The following BCAS3 variants were observed in gnomAD, a reference collection of about 807,000 sequenced individuals.
The protein encoded by BCAS3 is BCAS4/BCAS3 fusion.
BCAS3 carries 53 observed loss-of-function variants against 116.1 expected under a neutral mutation model. The ratio of observed to expected loss-of-function variants is 0.46; its 90% CI spans 0.37 to 0.57. The LOEUF (loss-of-function observed/expected upper bound fraction) is 0.57, where lower values mean the gene tolerates loss of function less well. Ranked by LOEUF, BCAS3 falls within the 20% of genes least tolerant of loss-of-function variation. BCAS3 has a pLI of 0.00. For synonymous variants in BCAS3, 391 were observed against 408.2 expected, an observed-to-expected ratio of 0.96 and a Z score of 0.51; for missense variants, 917 against 1,165.4, an observed-to-expected ratio of 0.79 and a Z score of 3.10.
intron 22 of BCAS3, among the ~76,000 whole-genome samples, chr17:61,201,515 T>C: frequency 6.6e-6 from 1 of 152,168 alleles, no homozygotes. Flanking sequence ...TTTTGGGGGA[T>C]ACACTCTCTT....
At chr17:60,737,449 CTCT>C (rs2144202449) in intron 5 of BCAS3, among the ~76,000 whole-genome samples, 1 of 152,148 alleles carries the variant, frequency 6.6e-6, no homozygotes, top group South Asian at 2.1e-4. Flanking sequence ...ATTCAATTTG[CTCT>C]TCTTTTTCTA....
chr17:60,896,548 A>C (rs2057522402), intron 10 of BCAS3, among the ~76,000 whole-genome samples: 1 of 149,764 alleles, frequency 6.7e-6, no homozygotes, highest in Non-Finnish European at 1.5e-5. Flanking sequence ...TGCTGAATTG[A>C]TCCCTTTATC....
intron 22 of BCAS3, among the ~76,000 whole-genome samples, chr17:61,155,337 T>C (rs1381210258): frequency 6.6e-6 from 1 of 152,168 alleles, no homozygotes; most frequent in Non-Finnish European, 1.5e-5. Context: ...GCAATAAATA[T>C]GTCCTGAGGC....
At chr17:60,805,445 A>G (rs148368380) in intron 6 of BCAS3, among the ~76,000 whole-genome samples, 99 of 152,338 alleles carry the variant, frequency 6.5e-4, no homozygotes, top group African/African-American at 2.2e-3. Flanking sequence ...TTAAACTGAC[A>G]TAAGATAAAT....
rs547158726 is a variant in BCAS3 at position 60,960,534 on chromosome 17, G to A, written c.1221+13182G>A. On this transcript the variant is annotated intron_variant, in intron 14 of 23. Coordinates refer to ENST00000407086, the MANE Select transcript of BCAS3 (RefSeq NM_017679.5). This position sits in a 1 kb window ranked among gnomAD's most constrained non-coding sequence, Gnocchi z 4.1. The stretch of plus-strand genomic sequence containing the variant: ...CAGGGCAAATTCCATTGTGTTTCAA[G>A]GCCAGAGTTTCCCATCTGGCTTGAG... Among the ~76,000 whole-genome samples, 3 of 152,290 alleles carry A rather than the reference G, an allele frequency of 2.0e-5. No individual in the cohort carries two copies. Among genetic ancestry groups the A allele is most frequent in the Non-Finnish European group, 2.9e-5 (2 of 68,014 alleles).
In BCAS3 at chr17:61,323,986, T is replaced by A. The variant is rs955039099; in HGVS notation, c.2426-44341T>A. On this transcript the variant is annotated intron_variant, in intron 22 of 23. Coordinates refer to ENST00000407086, the MANE Select transcript of BCAS3 (RefSeq NM_017679.5). The surrounding 1 kb of genome is among the most constrained non-coding windows in gnomAD (Gnocchi z 4.6). ...GGGCGGGAGACGAGGTAAGAACTGT[T>A]AGTGTCTGTGAGATGTTTGGGGATT... 6.6e-6 allele frequency among the ~76,000 whole-genome samples: 1 copy of A among 152,232 alleles called. No individual in the cohort carries two copies. Among genetic ancestry groups the A allele is most frequent in the Non-Finnish European group, 1.5e-5 (1 of 68,040 alleles).
In BCAS3 at chr17:61,122,903, G is replaced by A. The variant is rs977286066; in HGVS notation, c.2425+38339G>A. On this transcript the variant is annotated intron_variant, in intron 22 of 23. Transcript: ENST00000407086. This position sits in a 1 kb window ranked among gnomAD's most constrained non-coding sequence, Gnocchi z 4.6. ...GCTTATCTCAGAAAACTTGACCCAA[G>A]AGATAAAGACTGTGAAAGATTCCAC... Among the ~76,000 whole-genome samples the A allele has an allele frequency of 1.1e-4, 16 of 151,526 alleles. No homozygotes were observed. Among genetic ancestry groups the A allele is most frequent in the African/African-American group, 3.4e-4 (14 of 41,258 alleles).
intron 22 of BCAS3, among the ~76,000 whole-genome samples, chr17:61,096,487 G>T (rs530945148): frequency 6.6e-6 from 1 of 152,318 alleles, no homozygotes; most frequent in South Asian, 2.1e-4. Context: ...AGCCCAGGAG[G>T]TTGAGGCTAC....
At chr17:60,817,461 C>T (rs1488807300) in intron 7 of BCAS3, among the ~76,000 whole-genome samples, 1 of 152,022 alleles carries the variant, frequency 6.6e-6, no homozygotes, top group Non-Finnish European at 1.5e-5. Context: ...ATGTTTAATC[C>T]AATATATTAT....
chr17:61,269,509 G>C (rs1026373145), intron 22 of BCAS3, among the ~76,000 whole-genome samples: 1 of 152,126 alleles, frequency 6.6e-6, no homozygotes, highest in Non-Finnish European at 1.5e-5. Flanking sequence ...GCGTCTCCAT[G>C]CTGTTTTCCA....
Position 60,679,364 on chromosome 17 carries a change from T to G in BCAS3, c.-5-89T>G, listed in dbSNP as rs2032612570. The stretch of plus-strand genomic sequence containing the variant: ...TTTGAGGCATTTTTGACAAGGGATC[T>G]CTAGTGAGTAATCATAAATCTTCCT... On this transcript the variant is annotated intron_variant, in intron 1 of 23. Transcript: ENST00000407086. 4.5e-6 allele frequency: 4 copies of G among 883,392 alleles called. No homozygotes were observed. The African/African-American group carries it at 6.7e-5, about 15-fold the overall frequency. 54.7% of individuals were successfully genotyped at this position (883,392 alleles called of 1,614,324 possible). A position where few individuals can be genotyped will look rare whatever the true frequency, so the allele number is the denominator to read the frequency against.
intron 15 of BCAS3, among the ~76,000 whole-genome samples, chr17:61,011,566 G>T (rs768444362): frequency 6.6e-6 from 1 of 151,980 alleles, no homozygotes; most frequent in Non-Finnish European, 1.5e-5. Context: ...TCATAGGGCC[G>T]TATTTTTCTC....
chr17:60,745,116 A>G (rs1400681907), intron 5 of BCAS3, among the ~76,000 whole-genome samples: 3 of 152,110 alleles, frequency 2.0e-5, no homozygotes, highest in Non-Finnish European at 4.4e-5. Flanking sequence ...CAAAAGCTAA[A>G]TACTAGAACT....
At chr17:61,177,069 A>G (rs1252378979) in intron 22 of BCAS3, among the ~76,000 whole-genome samples, 1 of 152,248 alleles carries the variant, frequency 6.6e-6, no homozygotes, top group Non-Finnish European at 1.5e-5. Flanking sequence ...GGGGAAGGAC[A>G]TAGAGCAACT....
chr17:61,055,653 AC>A (rs2069303739), intron 19 of BCAS3, among the ~76,000 whole-genome samples: 1 of 152,216 alleles, frequency 6.6e-6, no homozygotes, highest in Admixed American at 6.5e-5. Flanking sequence ...GAACTGGTAT[AC>A]ATTGCAGGTT....
intron 4 of BCAS3, among the ~76,000 whole-genome samples, chr17:60,708,592 G>A (rs144002560): frequency 0.066 from 10,044 of 152,004 alleles, 1,105 homozygotes; most frequent in African/African-American, 0.23. Flanking sequence ...GTGCAGTGGT[G>A]CAATCTTGGC....
chr17:60,987,955 G>A lies in BCAS3; in HGVS notation c.1222-2016G>A, dbSNP rs552026415. ...TTCCCTGTTCAGTAAGATACTAGCT[G>A]TGGGTCCATTGTACATGGCTTTTCT... On this transcript the variant is annotated intron_variant, in intron 14 of 23. Transcript: ENST00000407086. Among the ~76,000 whole-genome samples the A allele has an allele frequency of 1.1e-3, 165 of 152,234 alleles. 1 individual carries two copies. Among genetic ancestry groups the A allele is most frequent in the African/African-American group, 3.7e-3 (154 of 41,548 alleles).
In BCAS3 at chr17:60,850,345, GTTTTTTTTT is replaced by G. The variant is rs10573405; in HGVS notation, c.477-18210_477-18202del. ...CCTCCCCCTAACTCCTGGCACCACT[GTTTTTTTTT>G]TTTTTTTTTTTTTTTTTTTTGAGAT... On this transcript the variant is annotated intron_variant, in intron 7 of 23. Coordinates refer to ENST00000407086, the MANE Select transcript of BCAS3 (RefSeq NM_017679.5). Among the ~76,000 whole-genome samples, 21 of 37,728 alleles carry G rather than the reference GTTTTTTTTT, an allele frequency of 5.6e-4. No individual in the cohort carries two copies. The East Asian group carries it at 0.01, about 18-fold the overall frequency. 24.8% of individuals were successfully genotyped at this position (37,728 alleles called of 152,430 possible).
chr17:60,826,169 TTTGA>T (rs1388030275), intron 7 of BCAS3, among the ~76,000 whole-genome samples: 1 of 151,696 alleles, frequency 6.6e-6, no homozygotes, highest in Non-Finnish European at 1.5e-5. Context: ...TAGTTTTATT[TTTGA>T]TTGATTAATT....
Sources: allele counts gnomAD v4.1 joint callset (sites outside exome capture counted in the v4.1 genomes callset), GRCh38; gene constraint gnomAD v4.1.1; non-coding constraint Gnocchi (gnomAD v3.1); transcripts MANE v1.5; gene names NCBI Gene and HGNC (gene_info 2026-07-23, HGNC 2026-07-21).